Variants in STXBP6 observed in about 807,000 individuals in gnomAD.
STXBP6 encodes the protein syntaxin-binding protein 6.
STXBP6 carries 21 observed loss-of-function variants against 26.9 expected under a neutral mutation model. The ratio of observed to expected loss-of-function variants is 0.78; its 90% confidence interval spans 0.55 to 1.12. The LOEUF is 1.12. STXBP6 is among the 50% of genes most tolerant of loss of function. The pLI is 0.00. For synonymous variants in STXBP6, 97 were observed against 92.6 expected (o/e 1.05, Z -0.27); for missense variants, 232 against 257.9 (o/e 0.90, Z 0.69).
intron 1 of STXBP6, among the ~76,000 whole-genome samples, chr14:25,025,021 G>A (rs2075324159): frequency 2.0e-5 from 3 of 152,164 alleles, no homozygotes; most frequent in Non-Finnish European, 4.4e-5. Flanking sequence ...AAGTAAATGT[G>A]TAAGCCTAAC....
rs376782906 is a variant in STXBP6 at position 25,021,351 on chromosome 14, A to C, written c.-33+28527T>G. The stretch of plus-strand genomic sequence containing the variant: ...TGCAATCAATTTCTCCCTTTCAACT[A>C]GATTCTTCCCATCATCACTTCAGCA... On this transcript the variant is annotated intron_variant, in intron 1 of 5. Coordinates refer to ENST00000323944, the MANE Select transcript of STXBP6 (RefSeq NM_001394410.1). Among the ~76,000 whole-genome samples the C allele has an allele frequency of 5.9e-4, 90 of 152,188 alleles. 1 individual carries two copies. The highest frequency in any genetic ancestry group is 2.1e-3 in the African/African-American group (86 of 41,520).
intron 1 of STXBP6, among the ~76,000 whole-genome samples, chr14:25,044,342 T>G (rs1595365909): frequency 6.6e-6 from 1 of 152,156 alleles, no homozygotes; most frequent in South Asian, 2.1e-4. Flanking sequence ...GGCTGTTCGG[T>G]TTTACATATT....
chr14:24,915,149 C>T (rs1258763380), intron 2 of STXBP6, among the ~76,000 whole-genome samples: 1 of 152,066 alleles, frequency 6.6e-6, no homozygotes, highest in African/African-American at 2.4e-5. Flanking sequence ...TTTGTGCTCT[C>T]AGTATTCATG....
chr14:24,916,143 T>C (rs1473252911), intron 2 of STXBP6, among the ~76,000 whole-genome samples: 1 of 152,074 alleles, frequency 6.6e-6, no homozygotes, highest in African/African-American at 2.4e-5. Flanking sequence ...ACAAACAAAG[T>C]CTTCACCCCC....
chr14:24,950,662 G>T (rs972760689), intron 2 of STXBP6, among the ~76,000 whole-genome samples: 9 of 152,090 alleles, frequency 5.9e-5, no homozygotes, highest in Admixed American at 5.9e-4. Context: ...TCAAGATAAC[G>T]GTTATCCTCT....
chr14:24,947,131 CTT>C (rs1342180907), intron 2 of STXBP6, among the ~76,000 whole-genome samples: 1 of 152,086 alleles, frequency 6.6e-6, no homozygotes, highest in East Asian at 1.9e-4. Context: ...ATAATCTACT[CTT>C]GCTTAAAAAG....
chr14:24,864,105 C>G (rs554302415), intron 2 of STXBP6, among the ~76,000 whole-genome samples: 38 of 152,186 alleles, frequency 2.5e-4, no homozygotes, highest in African/African-American at 9.1e-4. Flanking sequence ...CTTACTTCCT[C>G]AATTCTAGAA....
intron 2 of STXBP6, among the ~76,000 whole-genome samples, chr14:24,954,349 A>G (rs774744892): frequency 6.6e-6 from 1 of 152,178 alleles, no homozygotes; most frequent in Non-Finnish European, 1.5e-5. Context: ...GACTCTGGAA[A>G]GCAGAGCCAG....
chr14:24,871,879 G>A (rs2069948932), intron 2 of STXBP6, among the ~76,000 whole-genome samples: 1 of 152,184 alleles, frequency 6.6e-6, no homozygotes, highest in South Asian at 2.1e-4. Flanking sequence ...TCTCTGGGAT[G>A]TGTGAGGACA....
Position 24,811,515 on chromosome 14 carries a change from A to G in STXBP6, c.*1194T>C, listed in dbSNP as rs936991662. 3 of 152,106 alleles carry G rather than the reference A, an allele frequency of 2.0e-5. No homozygotes were observed. Among genetic ancestry groups the G allele is most frequent in the African/African-American group, 4.8e-5 (2 of 41,430 alleles). 9.4% of individuals were successfully genotyped at this position (152,106 alleles called of 1,614,324 possible). A position where few individuals can be genotyped will look rare whatever the true frequency, so the allele number is the denominator to read the frequency against. On this transcript the variant is annotated 3_prime_UTR_variant, in exon 6 of 6. Transcript: ENST00000323944. ...ACTTCTAGACCCTAAGCCCCTTATTATCTTGAGTAATAGAAAATCACGAGG... is the reference window on the plus strand; with the variant it reads ...ACTTCTAGACCCTAAGCCCCTTATTGTCTTGAGTAATAGAAAATCACGAGG...
At chr14:24,990,891 G>A (rs2074453910) in intron 1 of STXBP6, among the ~76,000 whole-genome samples, 1 of 151,552 alleles carries the variant, frequency 6.6e-6, no homozygotes, top group South Asian at 2.1e-4. Context: ...GGCAGAGAGG[G>A]GACAGGGAGA....
intron 1 of STXBP6, chr14:25,048,939 T>C (rs1192693695): frequency 3.2e-5 from 5 of 157,160 alleles, no homozygotes; most frequent in Non-Finnish European, 6.9e-5. Flanking sequence ...TGGAATGAGA[T>C]GGAAGTTCCT....
intron 4 of STXBP6, among the ~76,000 whole-genome samples, chr14:24,844,106 C>T (rs766306969): frequency 5.3e-5 from 8 of 152,034 alleles, no homozygotes; most frequent in Non-Finnish European, 8.8e-5. Context: ...GTAATGAAAC[C>T]CCAGTAGAAG....
Position 25,010,026 on chromosome 14 carries a change from C to T in STXBP6, c.-32-35176G>A, listed in dbSNP as rs116796823. 6.7e-3 allele frequency among the ~76,000 whole-genome samples: 1,014 copies of T among 152,144 alleles called. 10 individuals are homozygous for T. The highest frequency in any genetic ancestry group is 0.024 in the African/African-American group (974 of 41,430). ...TCCCGGGCAAAGGAAAAGAGGTCTTCAGAGCTTCAAAAGCACACTTGGAGA... is the reference window on the plus strand; with the variant it reads ...TCCCGGGCAAAGGAAAAGAGGTCTTTAGAGCTTCAAAAGCACACTTGGAGA... On this transcript the variant is annotated intron_variant, in intron 1 of 5. Coordinates refer to ENST00000323944, the MANE Select transcript of STXBP6 (RefSeq NM_001394410.1).
At chr14:25,030,181 G>A (rs1308083399) in intron 1 of STXBP6, among the ~76,000 whole-genome samples, 1 of 152,208 alleles carries the variant, frequency 6.6e-6, no homozygotes, top group East Asian at 1.9e-4. Flanking sequence ...GATAGCAATT[G>A]GATAGAGCAA....
At chr14:24,959,200 G>GTATTATTTCTTTA (rs773610216) in intron 2 of STXBP6, among the ~76,000 whole-genome samples, 46 of 152,286 alleles carry the variant, frequency 3.0e-4, no homozygotes, top group Non-Finnish European at 6.5e-4. Flanking sequence ...TTTGTAAACT[G>GTATTATTTCTTTA]TATTATTTCT....
At chr14:25,020,642 G>A (rs2075244583) in intron 1 of STXBP6, among the ~76,000 whole-genome samples, 1 of 151,942 alleles carries the variant, frequency 6.6e-6, no homozygotes, top group South Asian at 2.1e-4. Context: ...CCATCAAATG[G>A]TCTACCCTTT....
At chr14:24,855,887 G>A (rs778463018) in intron 4 of STXBP6, 49 bp downstream of exon 4, 3 of 1,524,432 alleles carry the variant, frequency 2.0e-6, no homozygotes, top group East Asian at 2.3e-5. Context: ...TTAAGTAAAA[G>A]TGAGTCTAAA....
intron 1 of STXBP6, among the ~76,000 whole-genome samples, chr14:25,020,570 T>A (rs1393434198): frequency 6.6e-6 from 1 of 152,212 alleles, no homozygotes; most frequent in Admixed American, 6.5e-5. Context: ...TTTTCTGAAA[T>A]GTCTCTGAAT....
Sources: gnomAD v4.1 joint callset for allele counts (sites outside exome capture counted in the v4.1 genomes callset) on GRCh38, gnomAD v4.1.1 for gene constraint, MANE v1.5 for transcripts, NCBI Gene and HGNC (gene_info 2026-07-23, HGNC 2026-07-21) for gene names.